UMAD1: variants seen among roughly 807,000 people sequenced by gnomAD.
UMAD1 encodes the protein UBAP1-MVB12-associated (UMA)-domain containing protein 1.
A neutral mutation model predicts 6.1 loss-of-function variants in UMAD1; 8 were observed. The ratio of observed to expected loss-of-function variants is 1.30; its 90% CI spans 0.76 to 2.35. UMAD1 has a LOEUF of 2.35. UMAD1 is among the 30% of genes most tolerant of loss of function. The pLI is 0.00. For synonymous variants in UMAD1, 56 were observed against 31.4 expected (o/e 1.78, Z -2.61); for missense variants, 130 against 78.4 (o/e 1.66, Z -2.49).
At chr7:7,737,025 G>C (rs1046845313) in intron 2 of UMAD1, among the ~76,000 whole-genome samples, 1 of 152,250 alleles carries the variant, frequency 6.6e-6, no homozygotes, top group Non-Finnish European at 1.5e-5. Context: ...GCTCTGAGAG[G>C]GGTTTTCCTT....
intron 2 of UMAD1, among the ~76,000 whole-genome samples, chr7:7,767,142 T>TTTTTTTTTTTTTTTTTTTTTTTTTTTTG: frequency 6.7e-6 from 1 of 148,590 alleles, no homozygotes; most frequent in East Asian, 1.9e-4. Context: ...TTTTTTTTTT[T>TTTTTTTTTTTTTTTTTTTTTTTTTTTTG]GAGACGGACT....
intron 2 of UMAD1, among the ~76,000 whole-genome samples, chr7:7,728,673 AG>A (rs1450717970): frequency 1.3e-5 from 2 of 151,692 alleles, no homozygotes; most frequent in African/African-American, 4.8e-5. Flanking sequence ...CCTATCTCAG[AG>A]GTTGATCCAT....
chr7:7,680,318 T>C (rs963979939), intron 2 of UMAD1, among the ~76,000 whole-genome samples: 1 of 152,184 alleles, frequency 6.6e-6, no homozygotes, highest in Non-Finnish European at 1.5e-5. Context: ...ATGTATATCC[T>C]TGGCACCCTT....
At chr7:7,845,210 A>G (rs891429619) in intron 3 of UMAD1, among the ~76,000 whole-genome samples, 26 of 152,140 alleles carry the variant, frequency 1.7e-4, no homozygotes, top group Non-Finnish European at 3.4e-4. Flanking sequence ...TTTTGGACTG[A>G]CGTTTTAGAT....
At chr7:7,757,045 T>A (rs1352115017) in intron 2 of UMAD1, among the ~76,000 whole-genome samples, 1 of 152,240 alleles carries the variant, frequency 6.6e-6, no homozygotes, top group Non-Finnish European at 1.5e-5. Flanking sequence ...AATGGGATTT[T>A]GCCTTTCTTT....
intron 3 of UMAD1, among the ~76,000 whole-genome samples, chr7:7,828,727 A>T (rs1783398976): frequency 7.6e-6 from 1 of 131,494 alleles, no homozygotes; most frequent in South Asian, 2.8e-4. Flanking sequence ...AGCTCTCCTG[A>T]ACTCCAGCTT....
At chr7:7,713,131 G>T (rs752014604) in intron 2 of UMAD1, among the ~76,000 whole-genome samples, 1 of 151,898 alleles carries the variant, frequency 6.6e-6, no homozygotes, top group Non-Finnish European at 1.5e-5. Flanking sequence ...AAGGTCAGGA[G>T]ATTGAGACCA....
intron 3 of UMAD1, among the ~76,000 whole-genome samples, chr7:7,855,483 C>T (rs1375345430): frequency 6.6e-6 from 1 of 152,236 alleles, no homozygotes; most frequent in Non-Finnish European, 1.5e-5. Context: ...GGGCTTGCAC[C>T]CTCTGAAGGA....
intron 2 of UMAD1, among the ~76,000 whole-genome samples, chr7:7,773,566 AAC>A (rs1782142826): frequency 6.6e-6 from 1 of 152,206 alleles, no homozygotes; most frequent in Non-Finnish European, 1.5e-5. Context: ...TCTAAAAAAA[AAC>A]ACAATAACAA....
chr7:7,795,194 C>T (rs1376740758), intron 2 of UMAD1, among the ~76,000 whole-genome samples: 1 of 152,238 alleles, frequency 6.6e-6, no homozygotes, highest in African/African-American at 2.4e-5. Context: ...GGCACACTTT[C>T]TCAGGACCTC....
At chr7:7,724,944 T>A (rs1297976303) in intron 2 of UMAD1, among the ~76,000 whole-genome samples, 2 of 152,208 alleles carry the variant, frequency 1.3e-5, no homozygotes. Flanking sequence ...GATACCACAC[T>A]GGTCCATTAC....
intron 1 of UMAD1, among the ~76,000 whole-genome samples, chr7:7,643,057 G>C (rs1354800077): frequency 6.6e-6 from 1 of 152,028 alleles, no homozygotes; most frequent in Non-Finnish European, 1.5e-5. Flanking sequence ...ACAGTAGTGG[G>C]CTCTCCCCCA....
intron 3 of UMAD1, among the ~76,000 whole-genome samples, chr7:7,814,191 G>T (rs1328041380): frequency 2.0e-5 from 3 of 152,036 alleles, no homozygotes; most frequent in Non-Finnish European, 4.4e-5. Context: ...TCACCATGTT[G>T]GCCAGGATGG....
At chr7:7,646,027 G>T (rs1785086085) in intron 1 of UMAD1, among the ~76,000 whole-genome samples, 1 of 152,176 alleles carries the variant, frequency 6.6e-6, no homozygotes, top group Non-Finnish European at 1.5e-5. Flanking sequence ...GTGAGCAGGT[G>T]CAGGAGTTGG....
intron 3 of UMAD1, 101 bp from the exon 4 acceptor site, chr7:7,877,180 G>T (rs562979052): frequency 3.2e-6 from 2 of 628,508 alleles, no homozygotes; most frequent in South Asian, 3.8e-5. Flanking sequence ...TATTTATATA[G>T]CCCACATTGC....
chr7:7,849,000 C>T (rs1006265103), intron 3 of UMAD1, among the ~76,000 whole-genome samples: 4 of 152,074 alleles, frequency 2.6e-5, no homozygotes, highest in Non-Finnish European at 4.4e-5. Context: ...ATATTACGTG[C>T]ACTTCTTGGA....
At chr7:7,788,109 C>G (rs79436410) in intron 2 of UMAD1, among the ~76,000 whole-genome samples, 33 of 152,270 alleles carry the variant, frequency 2.2e-4, no homozygotes, top group African/African-American at 7.7e-4. Context: ...CAAATAAACA[C>G]ATTATTGTCC....
intron 2 of UMAD1, among the ~76,000 whole-genome samples, chr7:7,745,342 C>T (rs1245763753): frequency 6.6e-6 from 1 of 152,162 alleles, no homozygotes; most frequent in East Asian, 1.9e-4. Context: ...TTTTGAGATT[C>T]TACTGTTGCT....
chr7:7,838,785 A>G (rs529083116), intron 3 of UMAD1, among the ~76,000 whole-genome samples: 2 of 152,380 alleles, frequency 1.3e-5, no homozygotes, highest in African/African-American at 4.8e-5. Flanking sequence ...ACTGCTTCAC[A>G]TAGCAGTATG....
Sources: allele counts gnomAD v4.1 joint callset (sites outside exome capture counted in the v4.1 genomes callset), GRCh38; gene constraint gnomAD v4.1.1; transcripts MANE v1.5; gene names NCBI Gene and HGNC (gene_info 2026-07-23, HGNC 2026-07-21).